Variants in KSR2 observed in about 807,000 individuals in gnomAD.
KSR2 encodes kinase suppressor of ras 2.
KSR2 carries 25 observed loss-of-function variants against 107.8 expected under a neutral mutation model. The ratio of observed to expected loss-of-function variants is 0.23; its 90% CI spans 0.17 to 0.32. KSR2 has a LOEUF of 0.32. KSR2 is among the 10% of genes least tolerant of loss of function. The pLI, the probability that KSR2 is intolerant of heterozygous loss-of-function variation, is 1.00. For synonymous variants in KSR2, 480 were observed against 507.0 expected, an observed-to-expected ratio of 0.95 and a Z score of 0.71; for missense variants, 887 against 1,268.9, an observed-to-expected ratio of 0.70 and a Z score of 4.57.
chr12:117,621,126 C>T (rs971003326), intron 5 of KSR2, among the ~76,000 whole-genome samples: 1 of 152,126 alleles, frequency 6.6e-6, no homozygotes, highest in Non-Finnish European at 1.5e-5. Context: ...TTCCTCCATA[C>T]TGTTCATGAT....
At chr12:117,708,481 T>C (rs571965074) in intron 4 of KSR2, among the ~76,000 whole-genome samples, 1 of 152,286 alleles carries the variant, frequency 6.6e-6, no homozygotes, top group Non-Finnish European at 1.5e-5. Flanking sequence ...TCACCATGCC[T>C]CATCACTTAC....
intron 5 of KSR2, among the ~76,000 whole-genome samples, chr12:117,666,160 A>G (rs1005423321): frequency 1.3e-5 from 2 of 152,336 alleles, no homozygotes; most frequent in Non-Finnish European, 2.9e-5. Flanking sequence ...ACTGATGTCC[A>G]CATGGTTCAT....
In KSR2 at chr12:117,458,462, T is replaced by G. The variant is rs949995926; in HGVS notation, c.*8737A>C. 1 of 152,142 alleles carries G rather than the reference T, an allele frequency of 6.6e-6. No homozygotes were observed. The highest frequency in any genetic ancestry group is 2.4e-5 in the African/African-American group (1 of 41,400). The allele number at this position is 152,142 out of a possible 1,614,324, so 9.4% of individuals were successfully genotyped here. On this transcript the variant is annotated 3_prime_UTR_variant, in exon 20 of 20. Transcript: ENST00000339824. ...TAAGATTTGTTTTTAATCATTAGAC[T>G]TTCAAATTTAAGAAGGCGCGATGCA...
chr12:117,755,690 T>C (rs1474940068), intron 4 of KSR2, among the ~76,000 whole-genome samples: 1 of 152,228 alleles, frequency 6.6e-6, no homozygotes, highest in African/African-American at 2.4e-5. Flanking sequence ...GGAAGAATTG[T>C]ACATCTATCA....
chr12:117,751,594 G>A (rs1460878546), intron 4 of KSR2, among the ~76,000 whole-genome samples: 1 of 152,160 alleles, frequency 6.6e-6, no homozygotes, highest in African/African-American at 2.4e-5. Flanking sequence ...GAGTCCTTAA[G>A]TAGCATGACT....
At chr12:117,682,795 A>G (rs1885422757) in intron 4 of KSR2, among the ~76,000 whole-genome samples, 1 of 152,158 alleles carries the variant, frequency 6.6e-6, no homozygotes. Flanking sequence ...AGAATGGAAC[A>G]AGAACGGCAG....
At chr12:117,559,151 C>T (rs1877936227) in intron 7 of KSR2, among the ~76,000 whole-genome samples, 1 of 151,992 alleles carries the variant, frequency 6.6e-6, no homozygotes, top group East Asian at 1.9e-4. Flanking sequence ...GCTCTGGGTG[C>T]TGTGGATACC....
intron 1 of KSR2, among the ~76,000 whole-genome samples, chr12:117,955,873 T>A (rs12312415): frequency 0.38 from 56,449 of 150,496 alleles, 11,039 homozygotes; most frequent in Non-Finnish European, 0.44. Context: ...AAAAGGAAAG[T>A]ACATACAGGT....
chr12:117,789,542 C>G (rs1890187304), intron 3 of KSR2, among the ~76,000 whole-genome samples: 1 of 152,182 alleles, frequency 6.6e-6, no homozygotes, highest in Admixed American at 6.5e-5. Flanking sequence ...GGATGTTGGC[C>G]AAGGTCACAC....
intron 4 of KSR2, among the ~76,000 whole-genome samples, chr12:117,716,328 C>T (rs1332866141): frequency 6.6e-6 from 1 of 152,180 alleles, no homozygotes; most frequent in African/African-American, 2.4e-5. Flanking sequence ...ACCCATTACA[C>T]CAAGCACAGC....
At chr12:117,883,894 A>AG (rs372857803) in intron 1 of KSR2, among the ~76,000 whole-genome samples, 2 of 147,792 alleles carry the variant, frequency 1.4e-5, no homozygotes, top group Non-Finnish European at 3.0e-5. Context: ...AAAAAAAAAA[A>AG]GGAAATGAGG....
intron 4 of KSR2, among the ~76,000 whole-genome samples, chr12:117,731,321 C>CATGCGGGAGGGAGGTGGGGG (rs1565984108): frequency 1.3e-5 from 2 of 150,026 alleles, no homozygotes; most frequent in Non-Finnish European, 1.5e-5. Context: ...GCAGCCGCCC[C>CATGCGGGAGGGAGGTGGGGG]GTCTGAGAAG....
At chr12:117,678,974 G>A (rs1317257110) in intron 4 of KSR2, among the ~76,000 whole-genome samples, 1 of 152,156 alleles carries the variant, frequency 6.6e-6, no homozygotes, top group African/African-American at 2.4e-5. Flanking sequence ...GCATCAGTGG[G>A]AAAGACTGGT....
chr12:117,712,103 C>T (rs1886806228), intron 4 of KSR2, among the ~76,000 whole-genome samples: 1 of 152,176 alleles, frequency 6.6e-6, no homozygotes, highest in South Asian at 2.1e-4. Flanking sequence ...TGTCTCACTC[C>T]CATGTTAGCA....
intron 3 of KSR2, among the ~76,000 whole-genome samples, chr12:117,786,281 C>T (rs1890071739): frequency 6.6e-6 from 1 of 151,748 alleles, no homozygotes; most frequent in Admixed American, 6.6e-5. Flanking sequence ...AGCTGTCCCA[C>T]TCACTCATAT....
chr12:117,725,064 CCT>C (rs5801250), intron 4 of KSR2, among the ~76,000 whole-genome samples: 34,654 of 142,256 alleles, frequency 0.24, 4,103 homozygotes, highest in Admixed American at 0.32. Context: ...GGCTTAATTC[CCT>C]CTCTCTCTCT....
At chr12:117,714,871 C>A (rs1327033294) in intron 4 of KSR2, among the ~76,000 whole-genome samples, 1 of 152,132 alleles carries the variant, frequency 6.6e-6, no homozygotes, top group South Asian at 2.1e-4. Context: ...AATTATGCAG[C>A]CCCAAATCTC....
intron 3 of KSR2, among the ~76,000 whole-genome samples, chr12:117,808,459 T>G (rs1386175038): frequency 6.6e-6 from 1 of 152,078 alleles, no homozygotes; most frequent in Non-Finnish European, 1.5e-5. Flanking sequence ...AAACCTCAAT[T>G]TCCTCATCTC....
At chr12:117,962,825 T>C (rs2137612963) in intron 1 of KSR2, among the ~76,000 whole-genome samples, 1 of 152,118 alleles carries the variant, frequency 6.6e-6, no homozygotes, top group Non-Finnish European at 1.5e-5. Flanking sequence ...AAGAAAAATA[T>C]TCATGACATG....
Sources: allele counts gnomAD v4.1 joint callset (sites outside exome capture counted in the v4.1 genomes callset), GRCh38; gene constraint gnomAD v4.1.1; transcripts MANE v1.5; gene names NCBI Gene and HGNC (gene_info 2026-07-23, HGNC 2026-07-21).